The following SEMA3A variants were observed in gnomAD, a reference collection of about 807,000 sequenced individuals.
The protein encoded by SEMA3A is semaphorin-3A.
SEMA3A carries 29 observed loss-of-function variants against 97.9 expected under a neutral mutation model. That is an observed-to-expected ratio of 0.30 (90% CI 0.22 to 0.40). The LOEUF (loss-of-function observed/expected upper bound fraction) is 0.40, where lower values mean the gene tolerates loss of function less well. SEMA3A is among the 10% of genes least tolerant of loss of function. SEMA3A has a pLI of 1.00. For synonymous variants in SEMA3A, 321 were observed against 323.7 expected (o/e 0.99, Z 0.09); for missense variants, 763 against 951.3 (o/e 0.80, Z 2.60).
At chr7:84,034,816 A>G (rs1412786003) in intron 6 of SEMA3A, among the ~76,000 whole-genome samples, 1 of 151,800 alleles carries the variant, frequency 6.6e-6, no homozygotes, top group Non-Finnish European at 1.5e-5. Flanking sequence ...TTGACTGCTC[A>G]TATGGAGTTG....
chr7:84,029,516 T>C (rs1211638714), intron 6 of SEMA3A, among the ~76,000 whole-genome samples: 1 of 152,218 alleles, frequency 6.6e-6, no homozygotes, highest in African/African-American at 2.4e-5. Flanking sequence ...TAATATTTGG[T>C]TATTTATTCC....
intron 3 of SEMA3A, among the ~76,000 whole-genome samples, chr7:84,305,273 T>C (rs1422096948): frequency 2.0e-5 from 3 of 149,466 alleles, no homozygotes; most frequent in Non-Finnish European, 4.4e-5. Flanking sequence ...GTAGATAAAA[T>C]GAAGGTCTGA....
chr7:84,047,973 G>A (rs1435887790), intron 5 of SEMA3A, among the ~76,000 whole-genome samples: 4 of 151,784 alleles, frequency 2.6e-5, no homozygotes, highest in Admixed American at 1.3e-4. Context: ...GGAGAAAAGC[G>A]ACACAGAGAA....
intron 1 of SEMA3A, among the ~76,000 whole-genome samples, chr7:84,144,019 T>C (rs1796393810): frequency 6.7e-6 from 1 of 150,216 alleles, no homozygotes; most frequent in African/African-American, 2.5e-5. Context: ...GCATTATCCT[T>C]CTTCTAAAGG....
intron 2 of SEMA3A, among the ~76,000 whole-genome samples, chr7:84,326,551 A>G (rs1407853986): frequency 1.3e-5 from 2 of 152,042 alleles, no homozygotes; most frequent in Non-Finnish European, 2.9e-5. Flanking sequence ...GTATTTAATA[A>G]ATATTTTATG....
intron 1 of SEMA3A, among the ~76,000 whole-genome samples, chr7:84,185,600 A>G (rs1381068047): frequency 6.6e-6 from 1 of 151,260 alleles, no homozygotes; most frequent in East Asian, 2.0e-4. Context: ...CTGAGGCAAG[A>G]GAATCACTTA....
intron 1 of SEMA3A, among the ~76,000 whole-genome samples, chr7:84,152,698 A>AAT: frequency 6.6e-6 from 1 of 151,502 alleles, no homozygotes; most frequent in Non-Finnish European, 1.5e-5. Flanking sequence ...ATAATAATAA[A>AAT]AAATAAATAA....
chr7:84,055,818 T>G (rs1463040940), intron 5 of SEMA3A, among the ~76,000 whole-genome samples: 2 of 152,214 alleles, frequency 1.3e-5, no homozygotes, highest in Non-Finnish European at 2.9e-5. Context: ...AAGTAGTGTA[T>G]TAGTTAAATG....
At chr7:84,118,024 A>G (rs967522442) in intron 3 of SEMA3A, among the ~76,000 whole-genome samples, 2 of 152,158 alleles carry the variant, frequency 1.3e-5, no homozygotes, top group Non-Finnish European at 2.9e-5. Flanking sequence ...ACTCTTCTAC[A>G]TATTATGCCA....
intron 3 of SEMA3A, among the ~76,000 whole-genome samples, chr7:84,251,723 A>G (rs1799614633): frequency 6.6e-6 from 1 of 152,180 alleles, no homozygotes; most frequent in Admixed American, 6.5e-5. Context: ...CGTTTGTTTT[A>G]TCCTGAGAGT....
chr7:84,000,126 T>C (rs3801593), intron 12 of SEMA3A, among the ~76,000 whole-genome samples: 109,052 of 151,994 alleles, frequency 0.72, 40,065 homozygotes, highest in African/African-American at 0.86. Context: ...CCTGAGTGCC[T>C]GTATAGTTTT....
At chr7:84,053,964 A>G (rs375494286) in intron 5 of SEMA3A, among the ~76,000 whole-genome samples, 39 of 146,264 alleles carry the variant, frequency 2.7e-4, no homozygotes, top group African/African-American at 5.7e-4. Context: ...TTTCTCCTTC[A>G]CTTATGAAGC....
chr7:84,055,300 C>G (rs10954744), intron 5 of SEMA3A, among the ~76,000 whole-genome samples: 1 of 151,780 alleles, frequency 6.6e-6, no homozygotes, highest in East Asian at 1.9e-4. Flanking sequence ...CCCCTCCCCC[C>G]GCCTCGCTGC....
chr7:83,971,047 C>T (rs1238295271), intron 15 of SEMA3A, among the ~76,000 whole-genome samples: 1 of 152,146 alleles, frequency 6.6e-6, no homozygotes, highest in Non-Finnish European at 1.5e-5. Context: ...CTTGAAAATA[C>T]ATAAACTATT....
At chr7:84,390,679 T>G (rs1803546138) in intron 1 of SEMA3A, among the ~76,000 whole-genome samples, 2 of 152,136 alleles carry the variant, frequency 1.3e-5, no homozygotes, top group South Asian at 2.1e-4. Flanking sequence ...TACCTCTAAA[T>G]GTAGTAGTGC....
intron 2 of SEMA3A, among the ~76,000 whole-genome samples, chr7:84,344,044 T>C (rs1802236731): frequency 1.3e-5 from 2 of 151,952 alleles, no homozygotes; most frequent in African/African-American, 4.8e-5. Context: ...AATATTCATA[T>C]AGACATTATT....
At chr7:84,069,285 C>T (rs1371473044) in intron 4 of SEMA3A, among the ~76,000 whole-genome samples, 2 of 152,108 alleles carry the variant, frequency 1.3e-5, no homozygotes, top group African/African-American at 4.8e-5. Context: ...CTACACCCTT[C>T]TGAAATTCAG....
chr7:84,164,104 G>A (rs1797132018), intron 1 of SEMA3A, among the ~76,000 whole-genome samples: 1 of 152,000 alleles, frequency 6.6e-6, no homozygotes, highest in Non-Finnish European at 1.5e-5. Flanking sequence ...CTTGGCCTCT[G>A]AAAGTTCTGG....
At chr7:84,335,856 T>A (rs1482797175) in intron 2 of SEMA3A, among the ~76,000 whole-genome samples, 1 of 152,094 alleles carries the variant, frequency 6.6e-6, no homozygotes, top group Non-Finnish European at 1.5e-5. Context: ...TAAGAGTAGA[T>A]TTTATTTTAC....
Sources: gnomAD v4.1 joint callset for allele counts (sites outside exome capture counted in the v4.1 genomes callset) on GRCh38, gnomAD v4.1.1 for gene constraint, MANE v1.5 for transcripts, NCBI Gene and HGNC (gene_info 2026-07-23, HGNC 2026-07-21) for gene names.